The following DPM1 variants were observed in gnomAD, a reference collection of about 807,000 sequenced individuals.
DPM1 encodes the protein dolichyl-phosphate mannosyltransferase subunit 1, catalytic, also known as dolichol-phosphate mannosyltransferase subunit 1.
DPM1 carries 27 observed loss-of-function variants against 39.0 expected under a neutral mutation model. The ratio of observed to expected loss-of-function variants is 0.69; its 90% CI spans 0.51 to 0.95. The LOEUF (loss-of-function observed/expected upper bound fraction) is 0.95, where lower values mean the gene tolerates loss of function less well. Among genes scored for constraint, DPM1 ranks in the 40% least tolerant of loss-of-function variants. The probability of loss-of-function intolerance (pLI) is 0.00; values close to 1 mark genes in which losing one functional copy is unlikely to be tolerated. For synonymous variants in DPM1, 124 were observed against 109.0 expected, an observed-to-expected ratio of 1.14 and a Z score of -0.86; for missense variants, 307 against 315.6, an observed-to-expected ratio of 0.97 and a Z score of 0.21.
At chr20:50,937,789 T>C (rs1985336869) in intron 7 of DPM1, among the ~76,000 whole-genome samples, 1 of 152,092 alleles carries the variant, frequency 6.6e-6, no homozygotes, top group South Asian at 2.1e-4. Flanking sequence ...CATTAAATAA[T>C]TGCTAAATAA....
At chr20:50,941,360 C>CATATACATATATATTCATTATATATTCAT (rs1568762937) in intron 6 of DPM1, among the ~76,000 whole-genome samples, 1 of 116,028 alleles carries the variant, frequency 8.6e-6, no homozygotes, top group African/African-American at 4.2e-5. Context: ...TATTCATATA[C>CATATACATATATATTCATTATATATTCAT]ATATATATTC....
In DPM1 at chr20:50,936,205, G is replaced by A. The variant is rs1373039485; in HGVS notation, c.621C>T (p.Tyr207=). The A allele has an allele frequency of 7.4e-6, 12 of 1,613,436 alleles. No individual in the cohort carries two copies. Among genetic ancestry groups the A allele is most frequent in the African/African-American group, 2.7e-5 (2 of 74,902 alleles). The change falls in exon 8 of 9, where the codon TAC becomes TAT. Residue 207 remains tyrosine, a synonymous_variant. Coordinates refer to ENST00000371588, the MANE Select transcript of DPM1 (RefSeq NM_003859.3). ...GAACAATCATCTCCATCTGGAAGAC[G>A]TAGCCTTTAGAAACACATTTTTCTA... ...KLIEKCVSKG[Y]VFQMEMIVRA... is the part of the protein sequence containing the mutation.
At chr20:50,950,121 A>C (rs902017004) in intron 2 of DPM1, among the ~76,000 whole-genome samples, 1 of 152,096 alleles carries the variant, frequency 6.6e-6, no homozygotes, top group African/African-American at 2.4e-5. Context: ...TTGTGAATCT[A>C]CTTTAGGCTT....
intron 3 of DPM1, 47 bp downstream of exon 3, chr20:50,948,582 C>T (rs1201362699): frequency 1.3e-6 from 2 of 1,590,892 alleles, no homozygotes; most frequent in Non-Finnish European, 1.7e-6. Context: ...TGGATCATGT[C>T]ACCAAGCAAG....
At chr20:50,941,745 G>A (rs188685978) in intron 6 of DPM1, among the ~76,000 whole-genome samples, 77 of 152,186 alleles carry the variant, frequency 5.1e-4, no homozygotes, top group African/African-American at 1.8e-3. Flanking sequence ...TAGACCAAAA[G>A]TATAGAACAG....
intron 7 of DPM1, 80 bp from the exon 8 acceptor site, chr20:50,936,342 GGTAT>G: frequency 2.1e-6 from 2 of 942,734 alleles, no homozygotes; most frequent in South Asian, 2.8e-5. Flanking sequence ...AGAGTTCACT[GGTAT>G]GTATAAAGCC....
chr20:50,935,749 C>T (rs1297290762), intron 8 of DPM1, among the ~76,000 whole-genome samples: 1 of 152,174 alleles, frequency 6.6e-6, no homozygotes, highest in African/African-American at 2.4e-5. Flanking sequence ...AGATCACCAC[C>T]TCCTTGCTCT....
At chr20:50,948,792 T>C in intron 2 of DPM1, 130 bp from the exon 3 acceptor site, 1 of 810,640 alleles carries the variant, frequency 1.2e-6, no homozygotes. Flanking sequence ...TAAAGCAAAG[T>C]ATCCTTAATA....
Position 50,955,178 on chromosome 20 carries a change from T to C in DPM1, c.261+8A>G, listed in dbSNP as rs369077586. ...TTCATATCACAGAAAAATGTTCTTA[T>C]AACTTACAATTCTGTCTGACCCATA... On this transcript the variant is annotated splice_region_variant and intron_variant, in intron 2 of 8. Coordinates refer to ENST00000371588, the MANE Select transcript of DPM1 (RefSeq NM_003859.3). 1.0e-5 allele frequency: 16 copies of C among 1,598,802 alleles called. No individual in the cohort carries two copies. The African/African-American group carries it at 1.6e-4, about 16-fold the overall frequency.
intron 3 of DPM1, among the ~76,000 whole-genome samples, chr20:50,947,466 ACATTTGATG>A (rs1386312634): frequency 6.6e-6 from 1 of 152,190 alleles, no homozygotes; most frequent in Non-Finnish European, 1.5e-5. Flanking sequence ...GATACTGAGA[ACATTTGATG>A]CTTGGGAATT....
At position 50,935,114 on chromosome 20, in the gene DPM1, T is replaced by C; in HGVS notation, c.*18A>G. On this transcript the variant is annotated 3_prime_UTR_variant, in exon 9 of 9. Coordinates refer to ENST00000371588, the MANE Select transcript of DPM1 (RefSeq NM_003859.3). ...GTTTAACCTGAAATGAACGTAACTA[T>C]AAATGAGTATCTTTCTTTTATGTAG... 1 of 1,373,264 alleles carries C rather than the reference T, an allele frequency of 7.3e-7. No individual in the cohort carries two copies. The highest frequency in any genetic ancestry group is 1.0e-6 in the Non-Finnish European group (1 of 962,258). The allele number at this position is 1,373,264 out of a possible 1,614,324, so 85.1% of individuals were successfully genotyped here. A position where few individuals can be genotyped will look rare whatever the true frequency, so the allele number is the denominator to read the frequency against.
chr20:50,941,650 G>A (rs889895202), intron 6 of DPM1, among the ~76,000 whole-genome samples: 17 of 152,136 alleles, frequency 1.1e-4, no homozygotes, highest in African/African-American at 4.1e-4. Flanking sequence ...AGAGGTTGCA[G>A]TGAGTTAAGA....
intron 2 of DPM1, among the ~76,000 whole-genome samples, chr20:50,951,680 C>T (rs1010632154): frequency 9.9e-5 from 15 of 151,932 alleles, no homozygotes; most frequent in South Asian, 4.2e-4. Context: ...CCCAGCTACT[C>T]GGGAGGCTGG....
intron 2 of DPM1, among the ~76,000 whole-genome samples, chr20:50,954,034 T>C (rs1309868121): frequency 1.3e-5 from 2 of 152,218 alleles, no homozygotes; most frequent in Non-Finnish European, 2.9e-5. Flanking sequence ...ACTGAAAGAA[T>C]TCCTAGAACT....
intron 1 of DPM1, among the ~76,000 whole-genome samples, chr20:50,957,952 G>C (rs1216994478): frequency 1.3e-5 from 2 of 152,172 alleles, no homozygotes; most frequent in African/African-American, 4.8e-5. Flanking sequence ...CAAACCTCAT[G>C]CTTATGTAAG....
Position 50,958,496 on chromosome 20 carries a change from G to T in DPM1, c.28C>A (p.Pro10Thr), listed in dbSNP as rs550693323. 6 of 1,613,866 alleles carry T rather than the reference G, an allele frequency of 3.7e-6. No individual in the cohort carries two copies. Among genetic ancestry groups the T allele is most frequent in the Non-Finnish European group, 4.2e-6 (5 of 1,180,016 alleles). Residue 10 changes from proline to threonine, a missense_variant, in exon 1 of 9, where the codon CCT becomes ACT. By Grantham distance (38) the Pro-to-Thr change is conservative (BLOSUM62 -1). This residue lies in a region of DPM1 where 206 missense variants were observed against 188.2 expected (regional missense o/e 1.09). Coordinates refer to ENST00000371588, the MANE Select transcript of DPM1 (RefSeq NM_003859.3). ...TCCAGCTCCCGCCGAGACCTGCGAG[G>T]ACTACGACTGACTTCCAAGGAGGCC... MASLEVSRS[P>T]RRSRRELEVR...
rs1158987920 is a variant in DPM1 at position 50,937,033 on chromosome 20, C to CA, written c.564-772dup. 2.0e-5 allele frequency among the ~76,000 whole-genome samples: 3 copies of CA among 150,600 alleles called. No homozygotes were observed. In the East Asian group the frequency reaches 5.8e-4, roughly 29 times the overall value. ...TAAATAGCAGGGAGCTCCGTATTTT[C>CA]AGAGTCACACTTTTTTTTTTTTTTT... On this transcript the variant is annotated intron_variant, in intron 7 of 8. Transcript: ENST00000371588.
chr20:50,947,666 A>T (rs543392723), intron 3 of DPM1, among the ~76,000 whole-genome samples: 1 of 152,182 alleles, frequency 6.6e-6, no homozygotes, highest in Non-Finnish European at 1.5e-5. Context: ...AACTGTTTTT[A>T]TCACTAGGCT....
chr20:50,957,674 T>C (rs1338304336), intron 1 of DPM1, among the ~76,000 whole-genome samples: 5 of 152,250 alleles, frequency 3.3e-5, no homozygotes, highest in Admixed American at 3.3e-4. Flanking sequence ...TGTTTGTACA[T>C]GTTAATATGA....
Sources: gnomAD v4.1 joint callset for allele counts (sites outside exome capture counted in the v4.1 genomes callset) on GRCh38, gnomAD v4.1.1 for gene constraint, gnomAD v4.1.1 regional missense constraint, MANE v1.5 for transcripts, NCBI Gene and HGNC (gene_info 2026-07-23, HGNC 2026-07-21) for gene names.